The following TMEM178B variants were observed in gnomAD, a reference collection of about 807,000 sequenced individuals.
The protein encoded by TMEM178B is transmembrane protein 178B.
In TMEM178B, 5 loss-of-function variants were observed where a neutral mutation model predicts 31.0. The ratio of observed to expected loss-of-function variants is 0.16; its 90% CI spans 0.08 to 0.34. TMEM178B has a LOEUF of 0.34. Ranked by LOEUF, TMEM178B falls within the 10% of genes least tolerant of loss-of-function variation. The pLI, the probability that TMEM178B is intolerant of heterozygous loss-of-function variation, is 1.00. For synonymous variants in TMEM178B, 164 were observed against 164.0 expected (o/e 1.00, Z 0.00); for missense variants, 275 against 400.3 (o/e 0.69, Z 2.67).
At chr7:141,155,279 G>A (rs772100623) in intron 1 of TMEM178B, among the ~76,000 whole-genome samples, 3 of 152,168 alleles carry the variant, frequency 2.0e-5, no homozygotes, top group Non-Finnish European at 4.4e-5. Context: ...ATCATACAGG[G>A]ATGCAGCCCA....
At chr7:141,436,633 T>C (rs1801547115) in intron 2 of TMEM178B, among the ~76,000 whole-genome samples, 1 of 142,472 alleles carries the variant, frequency 7.0e-6, no homozygotes, top group Admixed American at 7.0e-5. Context: ...CCGGAGCTGG[T>C]GGGGGCTGGG....
At chr7:141,232,362 C>T (rs1278121316) in intron 2 of TMEM178B, among the ~76,000 whole-genome samples, 16 of 152,056 alleles carry the variant, frequency 1.1e-4, no homozygotes, top group Admixed American at 1.0e-3. Context: ...ATTTCTGGTT[C>T]TAGGTCTTTG....
At chr7:141,402,479 G>A (rs1445491677) in intron 2 of TMEM178B, among the ~76,000 whole-genome samples, 2 of 152,200 alleles carry the variant, frequency 1.3e-5, no homozygotes, top group Non-Finnish European at 2.9e-5. Context: ...TAGAGCTCAA[G>A]TGCTGCTGTC....
At chr7:141,175,254 C>G (rs1178434524) in intron 1 of TMEM178B, among the ~76,000 whole-genome samples, 1 of 152,096 alleles carries the variant, frequency 6.6e-6, no homozygotes, top group African/African-American at 2.4e-5. Flanking sequence ...TCAGGTTTGT[C>G]AAAGATCATG....
intron 2 of TMEM178B, among the ~76,000 whole-genome samples, chr7:141,322,817 T>C (rs757816299): frequency 4.6e-5 from 7 of 152,138 alleles, no homozygotes; most frequent in Non-Finnish European, 1.0e-4. Flanking sequence ...GCACAGGCTT[T>C]CTTGTGAGGA....
intron 1 of TMEM178B, among the ~76,000 whole-genome samples, chr7:141,123,929 ATTC>A (rs1383395838): frequency 3.3e-5 from 5 of 152,010 alleles, no homozygotes; most frequent in Non-Finnish European, 7.4e-5. Context: ...TTTTTTTTGT[ATTC>A]TTTGTGGAGA....
At chr7:141,371,224 A>G (rs1233054269) in intron 2 of TMEM178B, among the ~76,000 whole-genome samples, 4 of 152,160 alleles carry the variant, frequency 2.6e-5, no homozygotes, top group African/African-American at 9.7e-5. Flanking sequence ...TGGATTGCTC[A>G]TGAATAGACT....
chr7:141,270,679 A>G (rs935607662), intron 2 of TMEM178B, among the ~76,000 whole-genome samples: 2 of 152,248 alleles, frequency 1.3e-5, no homozygotes, highest in African/African-American at 4.8e-5. Flanking sequence ...AAAGGATACA[A>G]AGAAAGATAA....
intron 2 of TMEM178B, among the ~76,000 whole-genome samples, chr7:141,309,010 G>C (rs1798864622): frequency 6.6e-6 from 1 of 152,314 alleles, no homozygotes; most frequent in African/African-American, 2.4e-5. Flanking sequence ...TAGAGGAAAG[G>C]AGCCCAGAGC....
chr7:141,272,426 T>C (rs1186524219), intron 2 of TMEM178B, among the ~76,000 whole-genome samples: 1 of 152,226 alleles, frequency 6.6e-6, no homozygotes, highest in Non-Finnish European at 1.5e-5. Context: ...AGGAATAATA[T>C]ATGGCTATTT....
At chr7:141,202,631 A>G (rs568039413) in intron 1 of TMEM178B, among the ~76,000 whole-genome samples, 1 of 152,346 alleles carries the variant, frequency 6.6e-6, no homozygotes, top group South Asian at 2.1e-4. Flanking sequence ...TAGTATGAAG[A>G]AAATAAAACC....
chr7:141,152,291 G>A (rs982288912), intron 1 of TMEM178B, among the ~76,000 whole-genome samples: 2 of 152,142 alleles, frequency 1.3e-5, no homozygotes, highest in Non-Finnish European at 2.9e-5. Flanking sequence ...CCAGCCCAGC[G>A]TGGGTTGCTC....
chr7:141,151,101 G>T (rs760609938), intron 1 of TMEM178B, among the ~76,000 whole-genome samples: 1 of 152,128 alleles, frequency 6.6e-6, no homozygotes, highest in Non-Finnish European at 1.5e-5. Flanking sequence ...TGCCTGGCAG[G>T]GTGGTAGATG....
intron 1 of TMEM178B, among the ~76,000 whole-genome samples, chr7:141,205,361 T>C (rs1796945870): frequency 6.6e-6 from 1 of 152,230 alleles, no homozygotes; most frequent in Non-Finnish European, 1.5e-5. Context: ...TGTAAAGTGA[T>C]GGGTGGAGAG....
chr7:141,240,396 C>T (rs1232889108), intron 2 of TMEM178B, among the ~76,000 whole-genome samples: 2 of 152,218 alleles, frequency 1.3e-5, no homozygotes, highest in African/African-American at 4.8e-5. Flanking sequence ...AGTTTCTAAG[C>T]TTCTGCTACA....
intron 2 of TMEM178B, among the ~76,000 whole-genome samples, chr7:141,284,895 G>A (rs553264932): frequency 2.0e-5 from 3 of 152,090 alleles, no homozygotes; most frequent in Non-Finnish European, 4.4e-5. Flanking sequence ...ATTCAGTAGG[G>A]AGCCAAGAAG....
intron 2 of TMEM178B, among the ~76,000 whole-genome samples, chr7:141,406,940 G>A (rs1222298782): frequency 2.0e-5 from 3 of 152,096 alleles, no homozygotes; most frequent in Non-Finnish European, 4.4e-5. Context: ...TAGGGAAGGG[G>A]AAAAAAGTAT....
chr7:141,290,870 G>A (rs760369844), intron 2 of TMEM178B, among the ~76,000 whole-genome samples: 88 of 152,172 alleles, frequency 5.8e-4, no homozygotes, highest in African/African-American at 1.9e-3. Context: ...TAGTGACCAC[G>A]TCCACCTTCA....
chr7:141,114,605 A>G (rs1795289018), intron 1 of TMEM178B, among the ~76,000 whole-genome samples: 1 of 152,168 alleles, frequency 6.6e-6, no homozygotes, highest in Non-Finnish European at 1.5e-5. Context: ...GGTGATTCTG[A>G]GGCCTATTCT....
Sources: allele counts gnomAD v4.1 joint callset (sites outside exome capture counted in the v4.1 genomes callset), GRCh38; gene constraint gnomAD v4.1.1; transcripts MANE v1.5; gene names NCBI Gene and HGNC (gene_info 2026-07-23, HGNC 2026-07-21).